VAV1: variants seen among roughly 807,000 people sequenced by gnomAD.
VAV1 encodes the protein proto-oncogene vav.
A neutral mutation model predicts 128.1 loss-of-function variants in VAV1; 33 were observed. That is an observed-to-expected ratio of 0.26 (90% CI 0.20 to 0.34). The LOEUF (loss-of-function observed/expected upper bound fraction) is 0.34, where lower values mean the gene tolerates loss of function less well. Ranked by LOEUF, VAV1 falls within the 10% of genes least tolerant of loss-of-function variation. VAV1 has a pLI of 1.00. For missense variants in VAV1, 715 were observed against 1,093.7 expected (o/e 0.65, Z 4.88); for synonymous variants, 394 against 409.8 (o/e 0.96, Z 0.47).
Position 6,789,353 on chromosome 19 carries a change from C to T in VAV1, c.204+16342C>T, listed in dbSNP as rs112547959. Among the ~76,000 whole-genome samples the T allele has an allele frequency of 1.1e-4, 16 of 151,742 alleles. 1 individual carries two copies. The highest frequency in any genetic ancestry group is 2.1e-4 in the South Asian group (1 of 4,804). ...CTGCAAGCTCCACCTCCCAGGTTCA[C>T]GCCATTCTCCTGCCTCAGCCTCCCG... is the stretch of plus-strand genomic sequence containing the variant. On this transcript the variant is annotated intron_variant, in intron 1 of 26. Coordinates refer to ENST00000602142, the MANE Select transcript of VAV1 (RefSeq NM_005428.4).
chr19:6,817,908 G>A (rs1808562), intron 1 of VAV1, among the ~76,000 whole-genome samples: 31,611 of 152,016 alleles, frequency 0.21, 4,453 homozygotes, highest in African/African-American at 0.4. Flanking sequence ...GGATGGTCTC[G>A]ATCTCCTGAC....
intron 19 of VAV1, among the ~76,000 whole-genome samples, chr19:6,834,287 A>C (rs1972164914): frequency 6.6e-6 from 1 of 151,552 alleles, no homozygotes; most frequent in African/African-American, 2.4e-5. Flanking sequence ...TGTGTCGCCC[A>C]GGCTGGAGTG....
intron 1 of VAV1, among the ~76,000 whole-genome samples, chr19:6,814,694 T>TCTCTCTCTCTC (rs1971597913): frequency 4.7e-5 from 6 of 127,730 alleles, no homozygotes; most frequent in African/African-American, 2.1e-4. Flanking sequence ...CTTTCTTTCT[T>TCTCTCTCTCTC]TCTTTCTTTC....
At chr19:6,818,773 T>C (rs1272568776) in intron 1 of VAV1, among the ~76,000 whole-genome samples, 3 of 152,232 alleles carry the variant, frequency 2.0e-5, no homozygotes, top group East Asian at 3.9e-4. Context: ...GGTGGCTGTC[T>C]ACTGAAATGA....
intron 1 of VAV1, among the ~76,000 whole-genome samples, chr19:6,776,397 C>CATCT: frequency 8.5e-6 from 1 of 117,480 alleles, no homozygotes; most frequent in African/African-American, 3.1e-5. Context: ...CCCATCCACC[C>CATCT]ACCCATCTAT....
In VAV1 at chr19:6,822,541, C is replaced by G. The variant is rs759478082; in HGVS notation, c.654+27C>G. ...TGGGCGCCTCCCACCCAGCGCCTGC[C>G]GGGCGCATGCGCGGGAGCTGGGCCG... On this transcript the variant is annotated intron_variant, in intron 6 of 26. Coordinates refer to ENST00000602142, the MANE Select transcript of VAV1 (RefSeq NM_005428.4). The surrounding 1 kb of genome is among the most constrained non-coding windows in gnomAD (Gnocchi z 5.9). The G allele has an allele frequency of 4.5e-6, 7 of 1,539,270 alleles. No homozygotes were observed. The highest frequency in any genetic ancestry group is 6.1e-6 in the Non-Finnish European group (7 of 1,144,254).
At chr19:6,838,964 G>A (rs432249) in intron 21 of VAV1, among the ~76,000 whole-genome samples, 106,127 of 151,866 alleles carry the variant, frequency 0.7, 42,804 homozygotes, top group Non-Finnish European at 0.89. Context: ...GTGCAGTGGG[G>A]TGATCTCGGC....
At chr19:6,847,628 A>T (rs1972556545) in intron 22 of VAV1, among the ~76,000 whole-genome samples, 1 of 151,858 alleles carries the variant, frequency 6.6e-6, no homozygotes. Flanking sequence ...GAGGCTCGTG[A>T]CTCATTCTCC....
At chr19:6,786,186 T>C (rs956469946) in intron 1 of VAV1, among the ~76,000 whole-genome samples, 1 of 149,410 alleles carries the variant, frequency 6.7e-6, no homozygotes, top group African/African-American at 2.5e-5. Context: ...GAACACCACC[T>C]GGCACATAGT....
chr19:6,852,711 A>G (rs1186167582), intron 24 of VAV1, among the ~76,000 whole-genome samples: 1 of 145,118 alleles, frequency 6.9e-6, no homozygotes, highest in Non-Finnish European at 1.5e-5. Context: ...ACAGAGCCAG[A>G]CTCCGTCTCA....
chr19:6,831,219 G>A (rs1972045576), intron 14 of VAV1, among the ~76,000 whole-genome samples: 1 of 152,124 alleles, frequency 6.6e-6, no homozygotes, highest in South Asian at 2.1e-4. Flanking sequence ...CTCCCTCTCG[G>A]CTCTTCCTTA....
In VAV1 at chr19:6,828,195, G is replaced by T; in HGVS notation, c.1023+24G>T. The stretch of plus-strand genomic sequence containing the variant: ...AGGTGCCAGGCACATCTCTAGGCGT[G>T]GGCTCCACGTACCTACTCTCCTGTG... On this transcript the variant is annotated intron_variant, in intron 10 of 26. Coordinates refer to ENST00000602142, the MANE Select transcript of VAV1 (RefSeq NM_005428.4). This position sits in a 1 kb window ranked among gnomAD's most constrained non-coding sequence, Gnocchi z 4.5. The T allele has an allele frequency of 6.2e-7, 1 of 1,612,670 alleles. No homozygotes were observed. The highest frequency in any genetic ancestry group is 1.1e-5 in the South Asian group (1 of 91,016).
chr19:6,787,913 A>G (rs1320707173), intron 1 of VAV1, among the ~76,000 whole-genome samples: 2 of 151,756 alleles, frequency 1.3e-5, no homozygotes, highest in South Asian at 2.1e-4. Context: ...CGTCTCTACT[A>G]AAAAATACAA....
intron 1 of VAV1, among the ~76,000 whole-genome samples, chr19:6,790,908 G>A (rs1348639506): frequency 6.6e-6 from 1 of 152,204 alleles, no homozygotes; most frequent in Non-Finnish European, 1.5e-5. Flanking sequence ...ACATAGCACT[G>A]GTGGCCATGT....
chr19:6,845,430 T>C (rs1337225813), intron 22 of VAV1, among the ~76,000 whole-genome samples: 1 of 151,938 alleles, frequency 6.6e-6, no homozygotes, highest in Non-Finnish European at 1.5e-5. Context: ...AAAAATGAGG[T>C]GAAATTCATA....
At chr19:6,784,456 A>T (rs971884857) in intron 1 of VAV1, among the ~76,000 whole-genome samples, 3 of 150,788 alleles carry the variant, frequency 2.0e-5, no homozygotes, top group Admixed American at 1.3e-4. Context: ...TAGGAGGGTC[A>T]GCACTTGGCA....
chr19:6,814,581 G>A (rs1383973412), intron 1 of VAV1, among the ~76,000 whole-genome samples: 1 of 151,730 alleles, frequency 6.6e-6, no homozygotes, highest in Non-Finnish European at 1.5e-5. Flanking sequence ...GAATTTCTAT[G>A]TTGATGATTG....
At chr19:6,838,844 T>G (rs1046727914) in intron 21 of VAV1, among the ~76,000 whole-genome samples, 6 of 150,414 alleles carry the variant, frequency 4.0e-5, no homozygotes, top group Admixed American at 6.6e-5. Flanking sequence ...TCCTCCCACC[T>G]CACCCTCCTG....
intron 1 of VAV1, among the ~76,000 whole-genome samples, chr19:6,774,221 A>G (rs993806631): frequency 2.4e-4 from 36 of 152,062 alleles, no homozygotes; most frequent in African/African-American, 4.6e-4. Context: ...TCCGCCTCCC[A>G]GGTTCACGTC....
Sources: allele counts gnomAD v4.1 joint callset (sites outside exome capture counted in the v4.1 genomes callset), GRCh38; gene constraint gnomAD v4.1.1; non-coding constraint Gnocchi (gnomAD v3.1); transcripts MANE v1.5; gene names NCBI Gene and HGNC (gene_info 2026-07-23, HGNC 2026-07-21).